Variants in TMBIM1 observed in about 807,000 individuals in gnomAD.
TMBIM1 encodes the protein protein lifeguard 3.
Under a neutral mutation model 45.1 loss-of-function variants are expected in TMBIM1, and 34 were observed. The observed-to-expected ratio is 0.75, with a 90% CI of 0.57 to 1.00. The LOEUF is 1.00. Ranked by LOEUF, TMBIM1 falls within the 50% of genes least tolerant of loss-of-function variation. The probability of loss-of-function intolerance (pLI) is 0.00; values close to 1 mark genes in which losing one functional copy is unlikely to be tolerated. For missense variants in TMBIM1, 374 were observed against 402.4 expected, an observed-to-expected ratio of 0.93 and a Z score of 0.60; for synonymous variants, 157 against 153.5, an observed-to-expected ratio of 1.02 and a Z score of -0.17.
At chr2:218,286,944 C>T (rs1233887184) in intron 1 of TMBIM1, 2 of 152,222 alleles carry the variant, frequency 1.3e-5, no homozygotes, top group African/African-American at 2.4e-5. Context: ...ATTTGTTCCC[C>T]TCCCTTTTCC....
intron 1 of TMBIM1, among the ~76,000 whole-genome samples, chr2:218,283,196 A>C (rs1467734236): frequency 1.3e-5 from 2 of 152,174 alleles, no homozygotes; most frequent in Non-Finnish European, 2.9e-5. Flanking sequence ...AGGGAACCCC[A>C]AACTGGAGTT....
At position 218,275,465 on chromosome 2, in the gene TMBIM1, G is replaced by A. The variant is rs1431529544; in HGVS notation, c.*10C>T. The A allele has an allele frequency of 2.5e-6, 4 of 1,610,288 alleles. No homozygotes were observed. In the African/African-American group the frequency reaches 4.0e-5, roughly 16 times the overall value. On this transcript the variant is annotated 3_prime_UTR_variant, in exon 12 of 12. Coordinates refer to ENST00000258412, the MANE Select transcript of TMBIM1 (RefSeq NM_022152.6). Reference sequence around the variant, plus strand: ...GAGCCCAGGATCGGGTGAAAATGGGGGCTTGCTCCTTAATTGCGATCCCCC... The same window carrying A: ...GAGCCCAGGATCGGGTGAAAATGGGAGCTTGCTCCTTAATTGCGATCCCCC...
intron 1 of TMBIM1, among the ~76,000 whole-genome samples, chr2:218,282,383 C>T (rs1692110581): frequency 6.6e-6 from 1 of 152,224 alleles, no homozygotes; most frequent in South Asian, 2.1e-4. Context: ...TTTGCGCCTG[C>T]TTCTTGTCCA....
chr2:218,279,253 G>A, intron 4 of TMBIM1, 36 bp downstream of exon 4: 1 of 1,562,946 alleles, frequency 6.4e-7, no homozygotes, highest in South Asian at 1.2e-5. Context: ...GAACCCCCAG[G>A]GCAGTAGGAG....
intron 1 of TMBIM1, among the ~76,000 whole-genome samples, chr2:218,283,469 A>T: frequency 6.6e-6 from 1 of 152,152 alleles, no homozygotes; most frequent in East Asian, 1.9e-4. Flanking sequence ...GGAAGCCCCT[A>T]GAGGGCCCCT....
At chr2:218,282,211 G>T in intron 1 of TMBIM1, 30 bp from the exon 2 acceptor site, 3 of 1,279,188 alleles carry the variant, frequency 2.3e-6, no homozygotes, top group Non-Finnish European at 3.1e-6. Context: ...AAGCAATCGT[G>T]AATGCCCAGG....
Position 218,274,217 on chromosome 2 carries a change from C to T in TMBIM1, c.*1258G>A, listed in dbSNP as rs4791. 0.44 allele frequency: 68,811 copies of T among 154,902 alleles called. 18,197 individuals carry two copies. Among genetic ancestry groups the T allele is most frequent in the South Asian group, 0.63 (3,122 of 4,926 alleles). The allele number at this position is 154,902 out of a possible 1,614,324, so 9.6% of individuals were successfully genotyped here. A position where few individuals can be genotyped will look rare whatever the true frequency, so the allele number is the denominator to read the frequency against. On this transcript the variant is annotated 3_prime_UTR_variant, in exon 12 of 12. Coordinates refer to ENST00000258412, the MANE Select transcript of TMBIM1 (RefSeq NM_022152.6). ...CAGGGTTTTAACTTCTAGACATAAA[C>T]TTTATTACATTTATAGTTGTATCCC...
At chr2:218,278,189 C>G (rs1014307992) in intron 6 of TMBIM1, 12 of 620,016 alleles carry the variant, frequency 1.9e-5, no homozygotes, top group Non-Finnish European at 3.1e-5. Flanking sequence ...CCAGAAACAC[C>G]TGGATTGGTT....
Position 218,279,282 on chromosome 2 carries a change from G to C in TMBIM1, c.368+7C>G, listed in dbSNP as rs760507665. On this transcript the variant is annotated splice_region_variant and intron_variant, in intron 4 of 11. Coordinates refer to ENST00000258412, the MANE Select transcript of TMBIM1 (RefSeq NM_022152.6). ...GTAGGAGTGGGTGGCAAAGCCTAGA[G>C]ACTTACACAAAGGTGAAGATAGCAA... 28 of 1,576,444 alleles carry C rather than the reference G, an allele frequency of 1.8e-5. No individual in the cohort carries two copies. The South Asian group carries it at 3.2e-4, about 18-fold the overall frequency.
At chr2:218,275,646 T>C (rs1691118012) in intron 11 of TMBIM1, 25 bp from the exon 12 acceptor site, 1 of 1,600,332 alleles carries the variant, frequency 6.2e-7, no homozygotes, top group Non-Finnish European at 8.5e-7. Flanking sequence ...AAGCCAGAAG[T>C]GAGAACTCAG....
Position 218,277,211 on chromosome 2 carries a change from C to T in TMBIM1, c.640-112G>A, listed in dbSNP as rs1691308862. 23 of 1,165,022 alleles carry T rather than the reference C, an allele frequency of 2.0e-5. No individual in the cohort carries two copies. In the Admixed American group the frequency reaches 2.3e-4, roughly 12 times the overall value. 72.2% of individuals were successfully genotyped at this position (1,165,022 alleles called of 1,614,324 possible). A position where few individuals can be genotyped will look rare whatever the true frequency, so the allele number is the denominator to read the frequency against. On this transcript the variant is annotated intron_variant, in intron 9 of 11. Coordinates refer to ENST00000258412, the MANE Select transcript of TMBIM1 (RefSeq NM_022152.6). ...GCCTCCTAGGGGGTATGGGAATGTCCACAACATTCTAAGGACAGAAACAGG... is the reference window on the plus strand; with the variant it reads ...GCCTCCTAGGGGGTATGGGAATGTCTACAACATTCTAAGGACAGAAACAGG...
At chr2:218,279,393 C>T in intron 3 of TMBIM1, 40 bp from the exon 4 acceptor site, 1 of 1,506,166 alleles carries the variant, frequency 6.6e-7, no homozygotes, top group Non-Finnish European at 8.9e-7. Context: ...CATCCGGCAC[C>T]CCTGGCCTGC....
chr2:218,278,079 C>T, intron 6 of TMBIM1, 105 bp from the exon 7 acceptor site: 1 of 1,342,444 alleles, frequency 7.4e-7, no homozygotes, highest in East Asian at 2.4e-5. Flanking sequence ...GAGGATTAAG[C>T]CTTGACTCCA....
chr2:218,276,959 C>T (rs373611186), intron 10 of TMBIM1, 45 bp downstream of exon 10: 13 of 1,543,560 alleles, frequency 8.4e-6, no homozygotes, highest in Middle Eastern at 1.7e-4. Context: ...GGAAGTCTGC[C>T]CTGAGCACTG....
At chr2:218,275,706 C>T (rs1445920077) in intron 11 of TMBIM1, 85 bp from the exon 12 acceptor site, 34 of 1,504,352 alleles carry the variant, frequency 2.3e-5, no homozygotes, top group Non-Finnish European at 3.0e-5. Context: ...TCTTGGGGGC[C>T]TATGCGCCAC....
At position 218,282,098 on chromosome 2, in the gene TMBIM1, G is replaced by C. The variant is rs1449070159; in HGVS notation, c.44C>G (p.Pro15Arg). Residue 15 changes from proline to arginine, a missense_variant, in exon 2 of 12, where the codon CCC (proline) becomes CGC (arginine). Physicochemically the swap from Pro to Arg is moderately radical, Grantham distance 103 (BLOSUM62 -2). Transcript: ENST00000258412. ...AGGGGGCGGAGGGCCTGGGTACAGGGGGTTGCGGTCTTCATATGGTGGTGG... is the reference window on the plus strand; with the variant it reads ...AGGGGGCGGAGGGCCTGGGTACAGGCGGTTGCGGTCTTCATATGGTGGTGG... ...SAPPPYEDRN[P>R]LYPGPPPPGG... The C allele has an allele frequency of 1.3e-6, 2 of 1,563,502 alleles. No individual in the cohort carries two copies. Among genetic ancestry groups the C allele is most frequent in the Admixed American group, 1.9e-5 (1 of 51,308 alleles).
intron 1 of TMBIM1, among the ~76,000 whole-genome samples, chr2:218,288,704 T>C (rs946467910): frequency 6.6e-6 from 1 of 152,180 alleles, no homozygotes; most frequent in East Asian, 1.9e-4. Context: ...CCAAAATCCA[T>C]GTGCTTCTGC....
In TMBIM1 at chr2:218,274,980, G is replaced by A. The variant is rs1574621703; in HGVS notation, c.*495C>T. ...TGAGCTAAAAGATGCCAAGCCAAAG[G>A]AATACAGGATAATGGCCTATGTGTC... On this transcript the variant is annotated 3_prime_UTR_variant, in exon 12 of 12. Transcript: ENST00000258412. The A allele has an allele frequency of 6.5e-6, 1 of 153,404 alleles. No individual in the cohort carries two copies. Among genetic ancestry groups the A allele is most frequent in the Admixed American group, 6.5e-5 (1 of 15,300 alleles). 9.5% of individuals were successfully genotyped at this position (153,404 alleles called of 1,614,324 possible).
Position 218,275,322 on chromosome 2 carries a change from C to CT in TMBIM1, c.*152_*153insA. On this transcript the variant is annotated 3_prime_UTR_variant, in exon 12 of 12. Transcript: ENST00000258412. ...CACCAAGTACCCACACATCCATAGCCAGAGAGGCCACCTGTCTCCAGGACA... is the reference window on the plus strand; with the variant it reads ...CACCAAGTACCCACACATCCATAGCCTAGAGAGGCCACCTGTCTCCAGGACA... The CT allele has an allele frequency of 9.6e-7, 1 of 1,040,422 alleles. No individual in the cohort carries two copies. The highest frequency in any genetic ancestry group is 3.2e-4 in the Middle Eastern group (1 of 3,134). The allele number at this position is 1,040,422 out of a possible 1,614,324, so 64.4% of individuals were successfully genotyped here. A position where few individuals can be genotyped will look rare whatever the true frequency, so the allele number is the denominator to read the frequency against.
Sources: gnomAD v4.1 joint callset for allele counts (sites outside exome capture counted in the v4.1 genomes callset) on GRCh38, gnomAD v4.1.1 for gene constraint, MANE v1.5 for transcripts, NCBI Gene and HGNC (gene_info 2026-07-23, HGNC 2026-07-21) for gene names.